PEX5L: variants seen among roughly 807,000 people sequenced by gnomAD.
PEX5L encodes PEX5-related protein.
PEX5L carries 30 observed loss-of-function variants against 84.0 expected under a neutral mutation model. The ratio of observed to expected loss-of-function variants is 0.36; its 90% CI spans 0.27 to 0.48. The LOEUF (loss-of-function observed/expected upper bound fraction) is 0.48. PEX5L is among the 20% of genes least tolerant of loss of function. The pLI, the probability that PEX5L is intolerant of heterozygous loss-of-function variation, is 0.99. For synonymous variants in PEX5L, 270 were observed against 283.1 expected, an observed-to-expected ratio of 0.95 and a Z score of 0.46; for missense variants, 533 against 754.6, an observed-to-expected ratio of 0.71 and a Z score of 3.44.
chr3:180,018,000 C>A (rs1474833773), intron 1 of PEX5L, among the ~76,000 whole-genome samples: 2 of 152,122 alleles, frequency 1.3e-5, no homozygotes, highest in South Asian at 2.1e-4. Flanking sequence ...TATTTTAGCA[C>A]CCACAGTTTG....
chr3:179,951,196 T>C (rs909848162), intron 2 of PEX5L, among the ~76,000 whole-genome samples: 17 of 152,376 alleles, frequency 1.1e-4, no homozygotes, highest in South Asian at 2.1e-4. Flanking sequence ...GGGCGATAGA[T>C]GCTTATTTTC....
At chr3:180,008,778 C>T (rs1007975980) in intron 1 of PEX5L, among the ~76,000 whole-genome samples, 1 of 152,214 alleles carries the variant, frequency 6.6e-6, no homozygotes, top group Non-Finnish European at 1.5e-5. Flanking sequence ...ATGGGAAAGA[C>T]TGGCTCCTGT....
chr3:179,825,800 C>T (rs527566900), intron 8 of PEX5L, among the ~76,000 whole-genome samples: 24 of 152,232 alleles, frequency 1.6e-4, no homozygotes, highest in Admixed American at 9.8e-4. Flanking sequence ...AAGCGTTAAG[C>T]GAAACAATGT....
intron 2 of PEX5L, among the ~76,000 whole-genome samples, chr3:179,900,384 G>GA (rs1432446902): frequency 2.6e-5 from 4 of 151,988 alleles, no homozygotes; most frequent in African/African-American, 9.7e-5. Context: ...CTTGGGCTAA[G>GA]AAAAAATGTC....
At chr3:179,802,981 AAGATCAAT>A (rs1249517570) in intron 14 of PEX5L, among the ~76,000 whole-genome samples, 1 of 152,226 alleles carries the variant, frequency 6.6e-6, no homozygotes, top group Admixed American at 6.5e-5. Flanking sequence ...ATCACTGAGT[AAGATCAAT>A]AGTCCTCAAA....
At chr3:179,950,861 G>A (rs1379202269) in intron 2 of PEX5L, among the ~76,000 whole-genome samples, 1 of 152,194 alleles carries the variant, frequency 6.6e-6, no homozygotes, top group Non-Finnish European at 1.5e-5. Context: ...GAGGAAATTG[G>A]TAAGTATTCT....
chr3:179,911,516 T>C (rs1372657734), intron 2 of PEX5L, among the ~76,000 whole-genome samples: 1 of 152,120 alleles, frequency 6.6e-6, no homozygotes, highest in South Asian at 2.1e-4. Context: ...GTAATATATG[T>C]AAAAGTAAGA....
chr3:180,036,772 G>A lies in PEX5L; in HGVS notation c.-173C>T. 2.9e-6 allele frequency: 2 copies of A among 686,094 alleles called. No homozygotes were observed. The highest frequency in any genetic ancestry group is 1.6e-5 in the South Asian group (1 of 61,544). 42.5% of individuals were successfully genotyped at this position (686,094 alleles called of 1,614,324 possible). ...GCCGGCGGCCACTCGGCAGCGCTGCGGGCTGCCGGGAACTGTTCTCCGCTC... is the reference window on the plus strand; with the variant it reads ...GCCGGCGGCCACTCGGCAGCGCTGCAGGCTGCCGGGAACTGTTCTCCGCTC... On this transcript the variant is annotated 5_prime_UTR_variant, in exon 1 of 15. Coordinates refer to ENST00000467460, the MANE Select transcript of PEX5L (RefSeq NM_016559.3).
chr3:179,917,361 G>A (rs1322783729), intron 2 of PEX5L, among the ~76,000 whole-genome samples: 1 of 151,782 alleles, frequency 6.6e-6, no homozygotes, highest in Non-Finnish European at 1.5e-5. Flanking sequence ...ATAAGCTGAA[G>A]GAGTATACTC....
chr3:179,807,602 A>C, intron 14 of PEX5L, 72 bp downstream of exon 14: 2 of 1,455,854 alleles, frequency 1.4e-6, no homozygotes, highest in Non-Finnish European at 1.9e-6. Context: ...TTTTACTTGG[A>C]AACAACCTTT....
intron 7 of PEX5L, among the ~76,000 whole-genome samples, chr3:179,862,512 G>A (rs1016969495): frequency 6.6e-6 from 1 of 152,064 alleles, no homozygotes; most frequent in Non-Finnish European, 1.5e-5. Context: ...ATCTAACTAG[G>A]GAAACTCATT....
chr3:179,811,822 G>T lies in PEX5L; in HGVS notation c.1133C>A (p.Ala378Glu), dbSNP rs979357869. The change falls in exon 11 of 15, where the codon GCA (alanine) becomes GAA (glutamate). Residue 378 changes from alanine (A) to glutamate (E), a missense_variant. By Grantham distance (107) the Ala-to-Glu change is moderately radical (BLOSUM62 -1). This residue lies in a region of PEX5L where 32 missense variants were observed against 45.5 expected (regional missense o/e 0.70). Coordinates refer to ENST00000467460, the MANE Select transcript of PEX5L (RefSeq NM_016559.3). ...ITQAENENEQ[A>E]AIVALQRCLE... The stretch of plus-strand genomic sequence containing the variant: ...TTACCTCTGGAGGGCGACAATAGCT[G>T]CTTGTTCATTTTCATTCTCCGCCTG... 6.2e-7 allele frequency: 1 copy of T among 1,613,742 alleles called. No homozygotes were observed. Among genetic ancestry groups the T allele is most frequent in the African/African-American group, 1.3e-5 (1 of 74,920 alleles).
intron 1 of PEX5L, among the ~76,000 whole-genome samples, chr3:179,976,107 A>G (rs1785753612): frequency 6.6e-6 from 1 of 152,242 alleles, no homozygotes; most frequent in South Asian, 2.1e-4. Context: ...CCAGAGTCCT[A>G]GAGAACAGTT....
chr3:179,806,533 C>G (rs1373187208), intron 14 of PEX5L, among the ~76,000 whole-genome samples: 3 of 152,122 alleles, frequency 2.0e-5, no homozygotes, highest in Admixed American at 6.5e-5. Flanking sequence ...CAATGTTTGC[C>G]AGTGGCAAAA....
chr3:179,882,398 G>A (rs1351857071), intron 4 of PEX5L, among the ~76,000 whole-genome samples: 1 of 152,210 alleles, frequency 6.6e-6, no homozygotes, highest in East Asian at 1.9e-4. Flanking sequence ...GGCAATTCCT[G>A]TATTTGTTCT....
intron 8 of PEX5L, among the ~76,000 whole-genome samples, chr3:179,826,452 A>T (rs1730524629): frequency 1.3e-5 from 2 of 152,210 alleles, no homozygotes; most frequent in Admixed American, 6.5e-5. Flanking sequence ...TCACAAAAAA[A>T]GAACTGCTGT....
chr3:179,900,576 T>C (rs541912971), intron 2 of PEX5L: 66 of 878,820 alleles, frequency 7.5e-5, no homozygotes, highest in Non-Finnish European at 1.0e-4. Flanking sequence ...AATTAGTCCT[T>C]TCATGCTGAA....
At chr3:179,897,213 A>G (rs1282677065) in intron 3 of PEX5L, among the ~76,000 whole-genome samples, 2 of 152,140 alleles carry the variant, frequency 1.3e-5, no homozygotes, top group African/African-American at 4.8e-5. Context: ...GTAAATGGAC[A>G]TTTTTCGAAT....
At chr3:179,885,918 C>A (rs1755711164) in intron 4 of PEX5L, among the ~76,000 whole-genome samples, 1 of 152,174 alleles carries the variant, frequency 6.6e-6, no homozygotes, top group African/African-American at 2.4e-5. Context: ...GTGGGTGGTA[C>A]TTTGTCACAG....
Sources: gnomAD v4.1 joint callset for allele counts (sites outside exome capture counted in the v4.1 genomes callset) on GRCh38, gnomAD v4.1.1 for gene constraint, gnomAD v4.1.1 regional missense constraint, MANE v1.5 for transcripts, NCBI Gene and HGNC (gene_info 2026-07-23, HGNC 2026-07-21) for gene names.